FAM187B: variants seen among roughly 807,000 people sequenced by gnomAD.
FAM187B encodes the protein protein FAM187B.
FAM187B carries 22 observed loss-of-function variants against 22.6 expected under a neutral mutation model. That is an observed-to-expected ratio of 0.97 (90% CI 0.70 to 1.39). The LOEUF (loss-of-function observed/expected upper bound fraction) is 1.39. Among genes scored for constraint, FAM187B ranks in the 40% most tolerant of loss-of-function variants. The probability of loss-of-function intolerance (pLI) is 0.00; values close to 1 mark genes in which losing one functional copy is unlikely to be tolerated. For missense variants in FAM187B, 433 were observed against 462.1 expected (o/e 0.94, Z 0.58); for synonymous variants, 192 against 201.8 (o/e 0.95, Z 0.41).
chr19:35,228,603 A>C lies in FAM187B; in HGVS notation c.78T>G (p.Ser26Arg), dbSNP rs879122565. The C allele has an allele frequency of 1.2e-6, 2 of 1,613,930 alleles. No homozygotes were observed. The highest frequency in any genetic ancestry group is 1.7e-5 in the Admixed American group (1 of 59,994). ...GTAGGGCCTGTTGGCACTGCTTACC[A>C]CTGGGGCAGCTGATGGAAAAGTAGA... Reference protein sequence around the residue: ...LGFYFSISCPSGKQCQQALLS... With the variant: ...LGFYFSISCPRGKQCQQALLS... Residue 26 changes from serine to arginine, a missense_variant, in exon 1 of 2, where the codon AGT (serine) becomes AGG (arginine). Physicochemically the swap from Ser to Arg is moderately radical, Grantham distance 110. Coordinates refer to ENST00000324675, the MANE Select transcript of FAM187B (RefSeq NM_152481.2).
chr19:35,225,321 C>T (rs916780776), intron 1 of FAM187B, 109 bp from the exon 2 acceptor site: 6 of 1,332,852 alleles, frequency 4.5e-6, no homozygotes, highest in Admixed American at 3.0e-5. Context: ...CGCCACCCCC[C>T]ACGGAGCACT....
In FAM187B at chr19:35,228,719, G is replaced by T; in HGVS notation, c.-39C>A. ...TGTGGCAGTGGGCTGGTGCCACCCC[G>T]AACATTGTGAGGTCACCCATGAACT... On this transcript the variant is annotated 5_prime_UTR_variant, in exon 1 of 2. Coordinates refer to ENST00000324675, the MANE Select transcript of FAM187B (RefSeq NM_152481.2). The T allele has an allele frequency of 6.4e-7, 1 of 1,563,002 alleles. No homozygotes were observed. Among genetic ancestry groups the T allele is most frequent in the South Asian group, 1.2e-5 (1 of 82,860 alleles).
chr19:35,225,241 G>A (rs757358866), intron 1 of FAM187B, 29 bp from the exon 2 acceptor site: 25 of 1,458,988 alleles, frequency 1.7e-5, no homozygotes, highest in Admixed American at 2.8e-5. Context: ...CAGGTGCAGG[G>A]CCAGGGAGAA....
intron 1 of FAM187B, 70 bp downstream of exon 1, chr19:35,227,889 C>T: frequency 6.4e-7 from 1 of 1,550,444 alleles, no homozygotes; most frequent in South Asian, 1.2e-5. Context: ...CATCCCTCTG[C>T]ACATATTACC....
At chr19:35,225,417 C>T (rs1296620537) in intron 1 of FAM187B, among the ~76,000 whole-genome samples, 2 of 151,814 alleles carry the variant, frequency 1.3e-5, no homozygotes, top group African/African-American at 4.8e-5. Context: ...CTTACTGGCT[C>T]CCCTCTTCCT....
intron 1 of FAM187B, among the ~76,000 whole-genome samples, chr19:35,226,031 C>T (rs771924816): frequency 2.0e-5 from 3 of 152,134 alleles, no homozygotes; most frequent in Non-Finnish European, 4.4e-5. Flanking sequence ...CCTGGCTGTT[C>T]CCTCTGTCCC....
chr19:35,227,915 A>C, intron 1 of FAM187B, 44 bp downstream of exon 1: 1 of 1,562,646 alleles, frequency 6.4e-7, no homozygotes, highest in Non-Finnish European at 8.7e-7. Context: ...GGATCCCCTG[A>C]CCGGAAGAAT....
Position 35,228,064 on chromosome 19 carries a change from G to A in FAM187B, c.617C>T (p.Thr206Ile). 5 of 1,614,230 alleles carry A rather than the reference G, an allele frequency of 3.1e-6. No individual in the cohort carries two copies. Among genetic ancestry groups the A allele is most frequent in the Non-Finnish European group, 4.2e-6 (5 of 1,180,044 alleles). ...LQVEACHVQC[T>I]NNTQLRVDYV... ...ATCCACCCTTAACTGTGTGTTATTG[G>A]TGCACTGGACGTGGCAGGCTTCCAC... is the stretch of plus-strand genomic sequence containing the variant. Residue 206 changes from threonine (T) to isoleucine (I), a missense_variant, in exon 1 of 2, where the codon ACC (threonine) becomes ATC (isoleucine). Coordinates refer to ENST00000324675, the MANE Select transcript of FAM187B (RefSeq NM_152481.2).
intron 1 of FAM187B, among the ~76,000 whole-genome samples, chr19:35,226,726 T>C (rs1440936955): frequency 1.3e-5 from 2 of 152,188 alleles, no homozygotes; most frequent in African/African-American, 4.8e-5. Context: ...TCTTATTGGA[T>C]GCTATGGCAG....
chr19:35,225,176 C>G lies in FAM187B; in HGVS notation c.759G>C (p.Thr253=). 6.5e-7 allele frequency: 1 copy of G among 1,527,756 alleles called. No individual in the cohort carries two copies. Among genetic ancestry groups the G allele is most frequent in the East Asian group, 2.3e-5 (1 of 43,562 alleles). The allele number at this position is 1,527,756 out of a possible 1,614,324, so 94.6% of individuals were successfully genotyped here. ...CCTGGCCGGAGAGCTGGCTCTCCCA[C>G]GTCAGGGGGGTGTCGTTGGCACGCC... ...VNWRANDTPL[T]WESQLSGQDF... is the part of the protein sequence containing the mutation. Residue 253 remains threonine (T), a synonymous_variant, in exon 2 of 2, where the codon ACG becomes ACC. Transcript: ENST00000324675.
intron 1 of FAM187B, among the ~76,000 whole-genome samples, chr19:35,225,866 G>T (rs1456075643): frequency 6.6e-6 from 1 of 152,084 alleles, no homozygotes; most frequent in Non-Finnish European, 1.5e-5. Context: ...ACCTCATAAG[G>T]TTATTTGGAG....
chr19:35,227,051 C>T lies in FAM187B; in HGVS notation c.722+908G>A, dbSNP rs184042831. Among the ~76,000 whole-genome samples, 291 of 152,186 alleles carry T rather than the reference C, an allele frequency of 1.9e-3. 2 individuals carry two copies. The highest frequency in any genetic ancestry group is 3.4e-3 in the Non-Finnish European group (234 of 68,000). The stretch of plus-strand genomic sequence containing the variant: ...GAGGCGGGCATTGGAGAGAAGCAGC[C>T]ACAAGCCAGAGAAGACCGGGATCTC... On this transcript the variant is annotated intron_variant, in intron 1 of 1. Coordinates refer to ENST00000324675, the MANE Select transcript of FAM187B (RefSeq NM_152481.2).
Position 35,228,406 on chromosome 19 carries a change from A to G in FAM187B, c.275T>C (p.Leu92Pro), listed in dbSNP as rs1288995338. Residue 92 changes from leucine to proline, a missense_variant, in exon 1 of 2, where the codon CTC becomes CCC. Transcript: ENST00000324675. ...GCCATTCTTGTTCCAGCAGTGGTAG[A>G]GGCCCGTCTGGGAGGGCAATGGATC... ...IKDPLPSQTGLYHCWNKNGRQ... is the reference protein window; with the variant it reads ...IKDPLPSQTGPYHCWNKNGRQ... The G allele has an allele frequency of 1.9e-6, 3 of 1,613,900 alleles. No individual in the cohort carries two copies. The highest frequency in any genetic ancestry group is 8.5e-7 in the Non-Finnish European group (1 of 1,180,052).
At position 35,228,648 on chromosome 19, in the gene FAM187B, A is replaced by G. The variant is rs2065669857; in HGVS notation, c.33T>C (p.Phe11=). ...AGTAGAACCCCAGTGCCGGGGCAGC[A>G]AAGTGGAGCAGCAGCCACAGCATGG... MPPMLWLLLH[F]AAPALGFYFS... Residue 11 remains phenylalanine (F), a synonymous_variant, in exon 1 of 2, where the codon TTT becomes TTC. Transcript: ENST00000324675. 6.2e-7 allele frequency: 1 copy of G among 1,612,130 alleles called. No homozygotes were observed. The highest frequency in any genetic ancestry group is 8.5e-7 in the Non-Finnish European group (1 of 1,179,540).
At chr19:35,226,357 G>A (rs1372283855) in intron 1 of FAM187B, among the ~76,000 whole-genome samples, 1 of 152,134 alleles carries the variant, frequency 6.6e-6, no homozygotes. Context: ...CAGCTACTGT[G>A]GAGGCTGAGA....
At position 35,228,138 on chromosome 19, in the gene FAM187B, A is replaced by G; in HGVS notation, c.543T>C (p.Tyr181=). The change falls in exon 1 of 2, where the codon TAT becomes TAC. Residue 181 remains tyrosine, a synonymous_variant. Transcript: ENST00000324675. The part of the protein sequence containing the change: ...PLEEAMPCWL[Y]LGEVLVWSSR... ...TAGACCACACCAGCACCTCTCCCAG[A>G]TAGAGCCAGCAGGGCATGGCTTCCT... 1 of 1,614,204 alleles carries G rather than the reference A, an allele frequency of 6.2e-7. No individual in the cohort carries two copies.
intron 1 of FAM187B, 90 bp downstream of exon 1, chr19:35,227,869 A>G: frequency 6.6e-7 from 1 of 1,520,392 alleles, no homozygotes; most frequent in East Asian, 2.3e-5. Context: ...AACTGCAAAG[A>G]ACGCCCACTC....
In FAM187B at chr19:35,228,576, G is replaced by A. The variant is rs763958492; in HGVS notation, c.105C>T (p.Leu35=). The change falls in exon 1 of 2, where the codon CTC becomes CTT. Residue 35 remains leucine (L), a synonymous_variant. Transcript: ENST00000324675. ...PSGKQCQQAL[L]SGNDILLYCN... is the part of the protein sequence containing the mutation. Reference sequence around the variant, plus strand: ...AATACAGGAGAATATCATTGCCTGAGAGTAGGGCCTGTTGGCACTGCTTAC... The same window carrying A: ...AATACAGGAGAATATCATTGCCTGAAAGTAGGGCCTGTTGGCACTGCTTAC... 1 of 1,614,188 alleles carries A rather than the reference G, an allele frequency of 6.2e-7. No individual in the cohort carries two copies. The highest frequency in any genetic ancestry group is 8.5e-7 in the Non-Finnish European group (1 of 1,180,038).
rs2065669164 is a variant in FAM187B at position 35,228,478 on chromosome 19, T to G, written c.203A>C (p.Asn68Thr). 2 of 1,614,098 alleles carry G rather than the reference T, an allele frequency of 1.2e-6. No homozygotes were observed. Among genetic ancestry groups the G allele is most frequent in the African/African-American group, 1.3e-5 (1 of 74,942 alleles). Residue 68 changes from asparagine (N) to threonine (T), a missense_variant, in exon 1 of 2, where the codon AAT (asparagine) becomes ACT (threonine). By Grantham distance (65) the Asn-to-Thr change is moderately conservative. Coordinates refer to ENST00000324675, the MANE Select transcript of FAM187B (RefSeq NM_152481.2). ...GGGCATTATTTCCATATTGGAAATA[T>G]TGGTGAGGCTGGTGAGCCTGCCCTT... ...GKKGRLTSLT[N>T]ISNMEIMPEG...
Sources: gnomAD v4.1 joint callset for allele counts (sites outside exome capture counted in the v4.1 genomes callset) on GRCh38, gnomAD v4.1.1 for gene constraint, MANE v1.5 for transcripts, NCBI Gene and HGNC (gene_info 2026-07-23, HGNC 2026-07-21) for gene names.